Variants in VAT1L observed in about 807,000 individuals in gnomAD.
VAT1L encodes putative NADPH-dependent quinone oxidoreductase VAT1L.
VAT1L carries 34 observed loss-of-function variants against 44.1 expected under a neutral mutation model. The observed-to-expected ratio is 0.77, with a 90% CI of 0.59 to 1.03. The LOEUF (loss-of-function observed/expected upper bound fraction) is 1.03. Among genes scored for constraint, VAT1L ranks in the 50% least tolerant of loss-of-function variants. The pLI is 0.00. For synonymous variants in VAT1L, 253 were observed against 202.2 expected, an observed-to-expected ratio of 1.25 and a Z score of -2.13; for missense variants, 615 against 538.8, an observed-to-expected ratio of 1.14 and a Z score of -1.40.
At chr16:77,891,997 G>A (rs558670444) in intron 7 of VAT1L, among the ~76,000 whole-genome samples, 19 of 152,208 alleles carry the variant, frequency 1.2e-4, no homozygotes, top group Non-Finnish European at 2.1e-4. Flanking sequence ...ACTTGAACCC[G>A]GGAGGCGGAG....
intron 3 of VAT1L, among the ~76,000 whole-genome samples, chr16:77,857,676 G>A (rs1302243143): frequency 6.7e-6 from 1 of 149,482 alleles, no homozygotes; most frequent in South Asian, 2.1e-4. Flanking sequence ...TATATATTAT[G>A]TATATATAAT....
intron 4 of VAT1L, among the ~76,000 whole-genome samples, chr16:77,866,403 G>GGTA (rs931121954): frequency 2.0e-5 from 3 of 151,956 alleles, no homozygotes; most frequent in African/African-American, 7.2e-5. Context: ...AAATGCCCAT[G>GGTA]GTAGCACATT....
intron 7 of VAT1L, 113 bp from the exon 8 acceptor site, chr16:77,971,737 T>G: frequency 2.7e-6 from 3 of 1,131,522 alleles, no homozygotes; most frequent in Non-Finnish European, 2.5e-6. Flanking sequence ...CCACTAAACT[T>G]GAGCCGCAGC....
At chr16:77,816,193 C>T (rs572812072) in intron 1 of VAT1L, among the ~76,000 whole-genome samples, 1 of 152,038 alleles carries the variant, frequency 6.6e-6, no homozygotes, top group Non-Finnish European at 1.5e-5. Context: ...TAATAACTTT[C>T]TTATTCCAAA....
At chr16:77,949,994 C>G (rs1424628383) in intron 7 of VAT1L, among the ~76,000 whole-genome samples, 1 of 152,210 alleles carries the variant, frequency 6.6e-6, no homozygotes, top group Non-Finnish European at 1.5e-5. Flanking sequence ...TTCCCTCAGC[C>G]ATGGCTCTGT....
chr16:77,954,401 C>T (rs1313039552), intron 7 of VAT1L, among the ~76,000 whole-genome samples: 5 of 152,074 alleles, frequency 3.3e-5, no homozygotes, highest in Admixed American at 6.5e-5. Flanking sequence ...CCCAGACAGG[C>T]GGATCACAAG....
At chr16:77,909,374 T>C (rs1432281724) in intron 7 of VAT1L, among the ~76,000 whole-genome samples, 1 of 152,156 alleles carries the variant, frequency 6.6e-6, no homozygotes, top group Non-Finnish European at 1.5e-5. Flanking sequence ...CAGTGGCTCA[T>C]GCCTGTAATC....
At chr16:77,866,709 G>C (rs751128126) in intron 4 of VAT1L, among the ~76,000 whole-genome samples, 8 of 152,012 alleles carry the variant, frequency 5.3e-5, no homozygotes, top group Non-Finnish European at 1.0e-4. Context: ...CCTTGAGGCA[G>C]GTGTTGTAAA....
intron 3 of VAT1L, among the ~76,000 whole-genome samples, chr16:77,826,428 A>G (rs777478562): frequency 3.9e-5 from 6 of 152,210 alleles, no homozygotes; most frequent in Non-Finnish European, 8.8e-5. Flanking sequence ...GTATTCTGCT[A>G]TATTTTCTTG....
At chr16:77,931,785 A>G (rs1040730796) in intron 7 of VAT1L, among the ~76,000 whole-genome samples, 3 of 152,240 alleles carry the variant, frequency 2.0e-5, no homozygotes, top group Non-Finnish European at 4.4e-5. Context: ...ACTAAATGCT[A>G]GCACATGCTA....
intron 1 of VAT1L, 51 bp downstream of exon 1, chr16:77,788,966 T>G: frequency 2.1e-5 from 29 of 1,376,232 alleles, no homozygotes; most frequent in Non-Finnish European, 2.5e-5. Flanking sequence ...CGCTGGGCGC[T>G]GGGGAGGGGG....
chr16:77,927,359 T>C (rs1328659617), intron 7 of VAT1L, among the ~76,000 whole-genome samples: 1 of 149,154 alleles, frequency 6.7e-6, no homozygotes, highest in East Asian at 2.0e-4. Flanking sequence ...AAAACACTGT[T>C]GGGAGGGCTT....
intron 1 of VAT1L, among the ~76,000 whole-genome samples, chr16:77,814,851 G>A (rs1161437680): frequency 1.3e-5 from 2 of 151,942 alleles, no homozygotes; most frequent in Admixed American, 6.6e-5. Flanking sequence ...CTTTTTTTAC[G>A]AGTGCCTTCC....
At chr16:77,866,208 T>C (rs1036828740) in intron 4 of VAT1L, among the ~76,000 whole-genome samples, 3 of 152,252 alleles carry the variant, frequency 2.0e-5, no homozygotes, top group Non-Finnish European at 2.9e-5. Flanking sequence ...TTCTGCTTCA[T>C]TGTAAGTGCT....
intron 1 of VAT1L, among the ~76,000 whole-genome samples, chr16:77,795,461 C>T (rs1405440297): frequency 6.6e-6 from 1 of 152,104 alleles, no homozygotes; most frequent in Non-Finnish European, 1.5e-5. Context: ...TTTTAATTTG[C>T]TAAAAACCAA....
At chr16:77,907,939 G>C (rs1055791429) in intron 7 of VAT1L, among the ~76,000 whole-genome samples, 2 of 152,152 alleles carry the variant, frequency 1.3e-5, no homozygotes, top group Non-Finnish European at 2.9e-5. Flanking sequence ...TTCAGGCAAT[G>C]ATAGAAAAGC....
Position 77,884,514 on chromosome 16 carries a change from C to A in VAT1L, c.883-94C>A. On this transcript the variant is annotated intron_variant, in intron 6 of 8. Coordinates refer to ENST00000302536, the MANE Select transcript of VAT1L (RefSeq NM_020927.3). This position sits in a 1 kb window ranked among gnomAD's most constrained non-coding sequence, Gnocchi z 4.5. ...ATCTGCTGAGCTGCAGCCCCACGTT[C>A]CCCCTGTAGTAGCTGATGACATCAG... 7.8e-7 allele frequency: 1 copy of A among 1,277,236 alleles called. No homozygotes were observed. The highest frequency in any genetic ancestry group is 1.5e-5 in the South Asian group (1 of 68,108). The allele number at this position is 1,277,236 out of a possible 1,614,324, so 79.1% of individuals were successfully genotyped here.
chr16:77,804,869 G>A (rs2016127848), intron 1 of VAT1L, among the ~76,000 whole-genome samples: 1 of 152,154 alleles, frequency 6.6e-6, no homozygotes, highest in Non-Finnish European at 1.5e-5. Flanking sequence ...CATATGTTAT[G>A]GACAAAGGGA....
intron 7 of VAT1L, among the ~76,000 whole-genome samples, chr16:77,891,593 G>T (rs146538253): frequency 6.6e-6 from 1 of 152,116 alleles, no homozygotes; most frequent in Admixed American, 6.5e-5. Flanking sequence ...CCTCAGTCTC[G>T]CTGAGTCTTC....
Sources: gnomAD v4.1 joint callset for allele counts (sites outside exome capture counted in the v4.1 genomes callset) on GRCh38, gnomAD v4.1.1 for gene constraint, Gnocchi (gnomAD v3.1) non-coding constraint, MANE v1.5 for transcripts, NCBI Gene and HGNC (gene_info 2026-07-23, HGNC 2026-07-21) for gene names.